The following NDNF variants were observed in gnomAD, a reference collection of about 807,000 sequenced individuals.
NDNF encodes the protein protein NDNF.
NDNF carries 16 observed loss-of-function variants against 42.0 expected under a neutral mutation model. The ratio of observed to expected loss-of-function variants is 0.38; its 90% CI spans 0.26 to 0.58. The LOEUF is 0.58. Ranked by LOEUF, NDNF falls within the 20% of genes least tolerant of loss-of-function variation. The pLI, the probability that NDNF is intolerant of heterozygous loss-of-function variation, is 0.67. For synonymous variants in NDNF, 248 were observed against 251.7 expected, an observed-to-expected ratio of 0.99 and a Z score of 0.14; for missense variants, 616 against 666.2, an observed-to-expected ratio of 0.92 and a Z score of 0.83.
chr4:121,054,400 T>C (rs1727249931), intron 1 of NDNF, among the ~76,000 whole-genome samples: 1 of 152,206 alleles, frequency 6.6e-6, no homozygotes, highest in East Asian at 1.9e-4. Flanking sequence ...GGAACAGTGG[T>C]GACCTCAGGA....
chr4:121,056,982 C>T (rs1023006114), intron 1 of NDNF, among the ~76,000 whole-genome samples: 2 of 152,162 alleles, frequency 1.3e-5, no homozygotes, highest in African/African-American at 2.4e-5. Context: ...TCCACAAATA[C>T]AAGTAGGGCA....
chr4:121,036,572 C>A lies in NDNF; in HGVS notation c.1399G>T (p.Val467Leu). The A allele has an allele frequency of 6.2e-7, 1 of 1,614,064 alleles. No individual in the cohort carries two copies. The highest frequency in any genetic ancestry group is 8.5e-7 in the Non-Finnish European group (1 of 1,179,984). ...CTTTCCTGAGTGCCTAGCCAAGCCA[C>A]GGTGGCTGAGGAACAGGTACGGAGC... is the stretch of plus-strand genomic sequence containing the variant. ...DKLRTCSSATVAWLGTQERNK... is the reference protein window; with the variant it reads ...DKLRTCSSATLAWLGTQERNK... Residue 467 changes from valine to leucine, a missense_variant, in exon 4 of 4, where the codon GTG (valine) becomes TTG (leucine). Physicochemically the swap from Val to Leu is conservative, Grantham distance 32 (BLOSUM62 1). Transcript: ENST00000379692.
rs1338819612 is a variant in NDNF, at chr4:121,072,131, G to A, written c.-140C>T. 1 of 152,424 alleles carries A rather than the reference G, an allele frequency of 6.6e-6. No homozygotes were observed. Among genetic ancestry groups the A allele is most frequent in the East Asian group, 1.9e-4 (1 of 5,190 alleles). 9.4% of individuals were successfully genotyped at this position (152,424 alleles called of 1,614,324 possible). A position where few individuals can be genotyped will look rare whatever the true frequency, so the allele number is the denominator to read the frequency against. On this transcript the variant is annotated 5_prime_UTR_variant, in exon 1 of 4. Coordinates refer to ENST00000379692, the MANE Select transcript of NDNF (RefSeq NM_024574.4). ...AGGAACGAGAAGCCTGGAGGGCGGG[G>A]ACGGAGGCAGATAAAAGAGAAAAAT...
At chr4:121,070,754 A>G (rs1031550789) in intron 1 of NDNF, among the ~76,000 whole-genome samples, 1 of 152,206 alleles carries the variant, frequency 6.6e-6, no homozygotes, top group Non-Finnish European at 1.5e-5. Flanking sequence ...AAACATAACA[A>G]CAACAACAAA....
chr4:121,055,720 G>T (rs1727282195), intron 1 of NDNF, among the ~76,000 whole-genome samples: 2 of 152,152 alleles, frequency 1.3e-5, no homozygotes, highest in African/African-American at 4.8e-5. Flanking sequence ...TAAAAAGACT[G>T]ATTTCAATTA....
rs572965636 is a variant in NDNF, at chr4:121,040,416, C to A, written c.189-362G>T. Among the ~76,000 whole-genome samples, 9 of 152,296 alleles carry A rather than the reference C, an allele frequency of 5.9e-5. No individual in the cohort carries two copies. In the South Asian group the frequency reaches 1.5e-3, roughly 25 times the overall value. On this transcript the variant is annotated intron_variant, in intron 2 of 3. Coordinates refer to ENST00000379692, the MANE Select transcript of NDNF (RefSeq NM_024574.4). ...GGCCCCGCCACTGCAAAATAAATCA[C>A]AACCAAGAAAATTTCCAGGTTTGTT...
intron 2 of NDNF, among the ~76,000 whole-genome samples, chr4:121,044,924 C>T (rs1277178777): frequency 6.6e-6 from 1 of 152,242 alleles, no homozygotes; most frequent in East Asian, 1.9e-4. Flanking sequence ...CATGACCGTG[C>T]TACTGCACTC....
At chr4:121,062,948 C>T (rs918159185) in intron 1 of NDNF, among the ~76,000 whole-genome samples, 3 of 152,058 alleles carry the variant, frequency 2.0e-5, no homozygotes, top group African/African-American at 7.2e-5. Context: ...TGTATAAATA[C>T]TTTCATTATC....
chr4:121,038,937 A>G (rs1726927922), intron 3 of NDNF: 1 of 149,030 alleles, frequency 6.7e-6, no homozygotes, highest in Non-Finnish European at 1.5e-5. Context: ...CAGTGAGCCA[A>G]GATTACACCA....
chr4:121,060,333 A>G (rs1727382341), intron 1 of NDNF, among the ~76,000 whole-genome samples: 1 of 152,002 alleles, frequency 6.6e-6, no homozygotes, highest in African/African-American at 2.4e-5. Context: ...GGCACGTGTC[A>G]CCATGTCTAG....
Position 121,036,591 on chromosome 4 carries a change from A to G in NDNF, c.1380T>C (p.Arg460=). The change falls in exon 4 of 4, where the codon CGT becomes CGC. Residue 460 remains arginine (R), a synonymous_variant. Transcript: ENST00000379692. The stretch of plus-strand genomic sequence containing the variant: ...AAGCCACGGTGGCTGAGGAACAGGT[A>G]CGGAGCTTGTCAAAGGCTTTGATTC... ...DTRIKAFDKL[R]TCSSATVAWL... 2 of 1,614,190 alleles carry G rather than the reference A, an allele frequency of 1.2e-6. No individual in the cohort carries two copies. The highest frequency in any genetic ancestry group is 1.1e-5 in the South Asian group (1 of 91,088).
chr4:121,057,524 G>A (rs79572390), intron 1 of NDNF, among the ~76,000 whole-genome samples: 2,050 of 152,252 alleles, frequency 0.013, 56 homozygotes, highest in African/African-American at 0.047. Flanking sequence ...GTCAGGTGAG[G>A]AATAACTGGC....
At chr4:121,061,760 T>G (rs1236362275) in intron 1 of NDNF, among the ~76,000 whole-genome samples, 1 of 152,220 alleles carries the variant, frequency 6.6e-6, no homozygotes, top group Admixed American at 6.5e-5. Flanking sequence ...TTTGAAACAG[T>G]TTAAAGGCTG....
intron 2 of NDNF, among the ~76,000 whole-genome samples, chr4:121,044,670 A>G (rs942182702): frequency 1.1e-4 from 16 of 152,194 alleles, no homozygotes; most frequent in African/African-American, 3.9e-4. Flanking sequence ...TATTATACTC[A>G]TAAAACATAA....
intron 2 of NDNF, 135 bp from the exon 3 acceptor site, chr4:121,040,189 G>T: frequency 1.1e-6 from 1 of 889,592 alleles, no homozygotes; most frequent in Non-Finnish European, 1.6e-6. Flanking sequence ...AAATGTCATT[G>T]TATTTTCCCT....
chr4:121,036,689 C>G lies in NDNF; in HGVS notation c.1282G>C (p.Ala428Pro), dbSNP rs1182488275. ...LVRLKGNKKG[A>P]SMLKILATTR... ...GTAGCTAGAATTTTCAACATAGATG[C>G]TCCTTTCTTGTTTCCTTTCAGTCGA... The change falls in exon 4 of 4, where the codon GCA (alanine) becomes CCA (proline). Residue 428 changes from alanine (A) to proline (P), a missense_variant. By Grantham distance (27) the Ala-to-Pro change is conservative. Transcript: ENST00000379692. 6.2e-7 allele frequency: 1 copy of G among 1,614,012 alleles called. No individual in the cohort carries two copies. Among genetic ancestry groups the G allele is most frequent in the Non-Finnish European group, 8.5e-7 (1 of 1,180,034 alleles).
chr4:121,037,459 T>G lies in NDNF; in HGVS notation c.512A>C (p.Gln171Pro). The G allele has an allele frequency of 6.2e-7, 1 of 1,614,200 alleles. No individual in the cohort carries two copies. Among genetic ancestry groups the G allele is most frequent in the Non-Finnish European group, 8.5e-7 (1 of 1,180,038 alleles). ...VYATTTPESD[Q>P]PYPELPYDPR... ...GTCATAGGGTAACTCAGGGTATGGCTGATCAGATTCTGGAGTTGTGGTGGC... is the reference window on the plus strand; with the variant it reads ...GTCATAGGGTAACTCAGGGTATGGCGGATCAGATTCTGGAGTTGTGGTGGC... Residue 171 changes from glutamine (Q) to proline (P), a missense_variant, in exon 4 of 4, where the codon CAG (glutamine) becomes CCG (proline). Physicochemically the swap from Gln to Pro is moderately conservative, Grantham distance 76. Transcript: ENST00000379692.
chr4:121,052,217 TATAAC>T (rs1252269810), intron 1 of NDNF, among the ~76,000 whole-genome samples: 1 of 152,146 alleles, frequency 6.6e-6, no homozygotes, highest in East Asian at 1.9e-4. Flanking sequence ...TCACTATAAA[TATAAC>T]ATAAAGTATA....
At chr4:121,048,916 G>T (rs1727142255) in intron 1 of NDNF, among the ~76,000 whole-genome samples, 1 of 152,106 alleles carries the variant, frequency 6.6e-6, no homozygotes, top group African/African-American at 2.4e-5. Context: ...ATTCTTCTAA[G>T]TTCTTTATAT....
Sources: gnomAD v4.1 joint callset for allele counts (sites outside exome capture counted in the v4.1 genomes callset) on GRCh38, gnomAD v4.1.1 for gene constraint, MANE v1.5 for transcripts, NCBI Gene and HGNC (gene_info 2026-07-23, HGNC 2026-07-21) for gene names.